MAN1A1: variants seen among roughly 807,000 people sequenced by gnomAD.
The protein encoded by MAN1A1 is mannosyl-oligosaccharide 1,2-alpha-mannosidase IA.
Under a neutral mutation model 70.8 loss-of-function variants are expected in MAN1A1, and 29 were observed. The observed-to-expected ratio is 0.41, with a 90% confidence interval of 0.31 to 0.56. The LOEUF (loss-of-function observed/expected upper bound fraction) is 0.56. Among genes scored for constraint, MAN1A1 ranks in the 20% least tolerant of loss-of-function variants. The pLI, the probability that MAN1A1 is intolerant of heterozygous loss-of-function variation, is 0.29. For missense variants in MAN1A1, 747 were observed against 841.3 expected (o/e 0.89, Z 1.39); for synonymous variants, 349 against 330.1 (o/e 1.06, Z -0.62).
chr6:119,250,797 C>T (rs1775299366), intron 5 of MAN1A1, among the ~76,000 whole-genome samples: 1 of 152,164 alleles, frequency 6.6e-6, no homozygotes, highest in African/African-American at 2.4e-5. Context: ...ATTCAACCTT[C>T]TATTTTAGCT....
chr6:119,255,378 T>C lies in MAN1A1; in HGVS notation c.898-7024A>G, dbSNP rs561149686. Among the ~76,000 whole-genome samples the C allele has an allele frequency of 2.0e-4, 31 of 152,332 alleles. No homozygotes were observed. The South Asian group carries it at 6.2e-3, about 31-fold the overall frequency. On this transcript the variant is annotated intron_variant, in intron 5 of 12. Transcript: ENST00000368468. ...ATAAAGCTTTCAGCACAAGATGCCA[T>C]AGACACAACAAATATCTTTGGCTGC... is the stretch of plus-strand genomic sequence containing the variant.
chr6:119,323,175 C>A (rs897806766), intron 2 of MAN1A1, among the ~76,000 whole-genome samples: 7 of 152,100 alleles, frequency 4.6e-5, no homozygotes, highest in Non-Finnish European at 8.8e-5. Flanking sequence ...AGGTTCTAGC[C>A]CTAATTTAAA....
At chr6:119,318,687 A>T (rs1012533893) in intron 2 of MAN1A1, among the ~76,000 whole-genome samples, 18 of 152,330 alleles carry the variant, frequency 1.2e-4, no homozygotes, top group Admixed American at 3.3e-4. Flanking sequence ...CTATATTAAA[A>T]AAGTGAAAAT....
intron 5 of MAN1A1, chr6:119,269,585 CA>C: frequency 1.1e-5 from 2 of 187,570 alleles, no homozygotes; most frequent in Non-Finnish European, 1.1e-5. Flanking sequence ...TGGAAAGTGC[CA>C]AAAATGTTGA....
intron 5 of MAN1A1, among the ~76,000 whole-genome samples, chr6:119,277,962 A>T (rs866279672): frequency 8.7e-6 from 1 of 114,678 alleles, no homozygotes; most frequent in African/African-American, 3.2e-5. Flanking sequence ...AAAAAAAGTA[A>T]AAATAAATAA....
intron 9 of MAN1A1, among the ~76,000 whole-genome samples, chr6:119,191,087 T>C (rs1773428415): frequency 6.6e-6 from 1 of 152,188 alleles, no homozygotes; most frequent in African/African-American, 2.4e-5. Context: ...AATAAACGAA[T>C]GAAACCAAGA....
intron 2 of MAN1A1, among the ~76,000 whole-genome samples, chr6:119,328,193 ACAG>A (rs1773205696): frequency 6.6e-6 from 1 of 152,232 alleles, no homozygotes. Context: ...CCCAAGAAGA[ACAG>A]TAAGTCACCC....
chr6:119,281,945 C>G (rs549056513), intron 5 of MAN1A1, among the ~76,000 whole-genome samples: 2 of 151,870 alleles, frequency 1.3e-5, no homozygotes, highest in Non-Finnish European at 2.9e-5. Context: ...GTCTGTAATC[C>G]CAGCTACTCG....
intron 4 of MAN1A1, among the ~76,000 whole-genome samples, chr6:119,298,115 C>T (rs1278109517): frequency 1.3e-5 from 2 of 152,048 alleles, no homozygotes; most frequent in Non-Finnish European, 2.9e-5. Context: ...AGTGACTAAC[C>T]AAGAATCAGT....
At chr6:119,214,885 A>G (rs1462912834) in intron 6 of MAN1A1, among the ~76,000 whole-genome samples, 1 of 152,206 alleles carries the variant, frequency 6.6e-6, no homozygotes, top group Non-Finnish European at 1.5e-5. Context: ...CTGACACAAG[A>G]AAACTGTTAA....
chr6:119,213,600 A>C (rs1364666168), intron 6 of MAN1A1, among the ~76,000 whole-genome samples: 1 of 152,186 alleles, frequency 6.6e-6, no homozygotes, highest in African/African-American at 2.4e-5. Flanking sequence ...ATCTGCATAT[A>C]ATCAGCTCTT....
intron 4 of MAN1A1, among the ~76,000 whole-genome samples, chr6:119,299,962 C>T (rs953115663): frequency 1.5e-4 from 23 of 152,320 alleles, no homozygotes; most frequent in African/African-American, 5.5e-4. Flanking sequence ...AAGAAAAAAA[C>T]CGCTATTATA....
At chr6:119,238,351 T>C (rs891885575) in intron 6 of MAN1A1, among the ~76,000 whole-genome samples, 5 of 152,248 alleles carry the variant, frequency 3.3e-5, no homozygotes, top group Admixed American at 6.5e-5. Context: ...AGTAGATTAA[T>C]TGACCTTTGA....
At chr6:119,197,902 A>G (rs1220640125) in intron 8 of MAN1A1, among the ~76,000 whole-genome samples, 1 of 152,168 alleles carries the variant, frequency 6.6e-6, no homozygotes, top group East Asian at 1.9e-4. Flanking sequence ...CAGGTGACCC[A>G]GAAGGTGAAG....
chr6:119,247,770 G>A (rs1775206581), intron 6 of MAN1A1, among the ~76,000 whole-genome samples: 1 of 152,116 alleles, frequency 6.6e-6, no homozygotes, highest in South Asian at 2.1e-4. Context: ...TCTTACAACT[G>A]GGGGCTGGGT....
chr6:119,346,159 C>T (rs1773722389), intron 2 of MAN1A1, among the ~76,000 whole-genome samples: 1 of 152,126 alleles, frequency 6.6e-6, no homozygotes, highest in Admixed American at 6.5e-5. Flanking sequence ...AGGCAAAGAT[C>T]TACTGGTTGA....
rs975751575 is a variant in MAN1A1 at position 119,177,521 on chromosome 6, G to A, written c.*2298C>T. Reference sequence around the variant, plus strand: ...ATTTTAACGGTTCATCTTTCAGTATGTGAATACGTATACAAATTTAACTGC... The same window carrying A: ...ATTTTAACGGTTCATCTTTCAGTATATGAATACGTATACAAATTTAACTGC... On this transcript the variant is annotated 3_prime_UTR_variant, in exon 13 of 13. Coordinates refer to ENST00000368468, the MANE Select transcript of MAN1A1 (RefSeq NM_005907.4). 3.3e-5 allele frequency: 5 copies of A among 152,158 alleles called. No individual in the cohort carries two copies. Among genetic ancestry groups the A allele is most frequent in the Admixed American group, 2.6e-4 (4 of 15,286 alleles). 9.4% of individuals were successfully genotyped at this position (152,158 alleles called of 1,614,324 possible). A position where few individuals can be genotyped will look rare whatever the true frequency, so the allele number is the denominator to read the frequency against.
chr6:119,191,100 G>T (rs1021743483), intron 9 of MAN1A1, among the ~76,000 whole-genome samples: 1 of 152,104 alleles, frequency 6.6e-6, no homozygotes, highest in African/African-American at 2.4e-5. Context: ...AACCAAGATG[G>T]TAAGAAATAA....
intron 4 of MAN1A1, among the ~76,000 whole-genome samples, chr6:119,294,859 CA>C (rs1339584468): frequency 6.6e-6 from 1 of 152,014 alleles, no homozygotes; most frequent in African/African-American, 2.4e-5. Flanking sequence ...ATGAGTATTA[CA>C]AATCATGAAA....
Sources: allele counts gnomAD v4.1 joint callset (sites outside exome capture counted in the v4.1 genomes callset), GRCh38; gene constraint gnomAD v4.1.1; transcripts MANE v1.5; gene names NCBI Gene and HGNC (gene_info 2026-07-23, HGNC 2026-07-21).